IGSF21: variants seen among roughly 807,000 people sequenced by gnomAD.
IGSF21 encodes the protein immunoglobin superfamily member 21.
In IGSF21, 28 loss-of-function variants were observed where a neutral mutation model predicts 46.8. The observed-to-expected ratio is 0.60, with a 90% CI of 0.44 to 0.82. The LOEUF (loss-of-function observed/expected upper bound fraction) is 0.82, where lower values mean the gene tolerates loss of function less well. IGSF21 is among the 40% of genes least tolerant of loss of function. IGSF21 has a pLI of 0.00. For synonymous variants in IGSF21, 284 were observed against 273.6 expected, an observed-to-expected ratio of 1.04 and a Z score of -0.38; for missense variants, 624 against 665.5, an observed-to-expected ratio of 0.94 and a Z score of 0.69.
chr1:18,306,935 C>T (rs922298345), intron 3 of IGSF21, among the ~76,000 whole-genome samples: 2 of 152,250 alleles, frequency 1.3e-5, no homozygotes, highest in Non-Finnish European at 2.9e-5. Context: ...AGGACTGGGG[C>T]TGAAAACCTG....
chr1:18,236,418 C>A (rs987275829), intron 2 of IGSF21, among the ~76,000 whole-genome samples: 2 of 152,160 alleles, frequency 1.3e-5, no homozygotes, highest in African/African-American at 4.8e-5. Context: ...TTACCCAGTC[C>A]CAGGTTTGTC....
chr1:18,375,382 A>T (rs375271224), intron 6 of IGSF21, among the ~76,000 whole-genome samples: 6 of 152,184 alleles, frequency 3.9e-5, no homozygotes, highest in African/African-American at 1.4e-4. Flanking sequence ...TGGCTCTGTG[A>T]GTGACCTTGG....
intron 1 of IGSF21, among the ~76,000 whole-genome samples, chr1:18,214,281 A>G (rs2084420897): frequency 6.6e-6 from 1 of 152,260 alleles, no homozygotes; most frequent in South Asian, 2.1e-4. Flanking sequence ...GATGCCAGAA[A>G]GCACCGGGGA....
intron 1 of IGSF21, among the ~76,000 whole-genome samples, chr1:18,132,701 C>A (rs1310479264): frequency 6.6e-6 from 1 of 152,128 alleles, no homozygotes; most frequent in Non-Finnish European, 1.5e-5. Context: ...GGGCCCCACC[C>A]AATCCATCCT....
At chr1:18,297,288 C>T (rs1228974703) in intron 3 of IGSF21, among the ~76,000 whole-genome samples, 1 of 152,138 alleles carries the variant, frequency 6.6e-6, no homozygotes, top group Non-Finnish European at 1.5e-5. Context: ...CCTTTCAATG[C>T]AACACTTGCT....
intron 2 of IGSF21, among the ~76,000 whole-genome samples, chr1:18,270,857 T>G (rs1319256840): frequency 6.6e-6 from 1 of 152,182 alleles, no homozygotes; most frequent in East Asian, 1.9e-4. Flanking sequence ...CAGCCGCATG[T>G]GCGATTTGAC....
chr1:18,288,694 C>T (rs758448943), intron 2 of IGSF21, among the ~76,000 whole-genome samples: 65 of 152,292 alleles, frequency 4.3e-4, no homozygotes, highest in Non-Finnish European at 8.5e-4. Flanking sequence ...GCTGCTAGCC[C>T]GCTGGCCCCA....
chr1:18,255,984 C>T (rs1489023141), intron 2 of IGSF21, among the ~76,000 whole-genome samples: 3 of 152,190 alleles, frequency 2.0e-5, no homozygotes, highest in Admixed American at 2.0e-4. Flanking sequence ...AGCAGCTTGC[C>T]ATTGGCCTCA....
chr1:18,338,706 G>A (rs35813471), intron 4 of IGSF21, among the ~76,000 whole-genome samples: 38,353 of 152,116 alleles, frequency 0.25, 5,146 homozygotes, highest in African/African-American at 0.34. Context: ...ACATCCCACT[G>A]TGTGGTGGGG....
At chr1:18,181,119 G>A (rs977930700) in intron 1 of IGSF21, among the ~76,000 whole-genome samples, 2 of 152,180 alleles carry the variant, frequency 1.3e-5, no homozygotes, top group African/African-American at 4.8e-5. Flanking sequence ...CCTCCTTGCT[G>A]CCTCCCCTCC....
At chr1:18,235,091 T>G (rs1043231279) in intron 2 of IGSF21, among the ~76,000 whole-genome samples, 1 of 152,216 alleles carries the variant, frequency 6.6e-6, no homozygotes, top group Non-Finnish European at 1.5e-5. Context: ...AAAAATACAC[T>G]GTTGTCTGAG....
intron 1 of IGSF21, among the ~76,000 whole-genome samples, chr1:18,177,399 G>GGGGATGGGGGCAGTGAGGTA (rs58599918): frequency 3.7e-5 from 2 of 54,432 alleles, no homozygotes; most frequent in Non-Finnish European, 7.9e-5. Flanking sequence ...TGAGGTGTGT[G>GGGGATGGGGGCAGTGAGGTA]TGTGTGTGTG....
At chr1:18,250,106 C>CCTCCCTCG (rs2084825347) in intron 2 of IGSF21, among the ~76,000 whole-genome samples, 1 of 82,208 alleles carries the variant, frequency 1.2e-5, no homozygotes, top group African/African-American at 4.4e-5. Flanking sequence ...TCGCTCCCTC[C>CCTCCCTCG]CTCCCTCCCT....
At chr1:18,189,591 C>T (rs139834012) in intron 1 of IGSF21, among the ~76,000 whole-genome samples, 2,143 of 151,798 alleles carry the variant, frequency 0.014, 50 homozygotes, top group African/African-American at 0.049. Context: ...TAGATGGCCC[C>T]ACTGGGGGTG....
intron 1 of IGSF21, among the ~76,000 whole-genome samples, chr1:18,170,477 G>A (rs1042633698): frequency 5.3e-5 from 8 of 151,434 alleles, no homozygotes; most frequent in Non-Finnish European, 1.0e-4. Context: ...TGATTCAATA[G>A]GTAAGAATGC....
At chr1:18,317,084 G>T (rs1015687705) in intron 3 of IGSF21, among the ~76,000 whole-genome samples, 2 of 152,160 alleles carry the variant, frequency 1.3e-5, no homozygotes, top group Non-Finnish European at 2.9e-5. Flanking sequence ...TGTACCCTAG[G>T]TTTCTCATTG....
At chr1:18,264,216 T>C (rs960468868) in intron 2 of IGSF21, among the ~76,000 whole-genome samples, 1 of 152,178 alleles carries the variant, frequency 6.6e-6, no homozygotes, top group Non-Finnish European at 1.5e-5. Context: ...CCCTCTCTCA[T>C]CATTTCTTAT....
chr1:18,173,677 G>T (rs1210581162), intron 1 of IGSF21, among the ~76,000 whole-genome samples: 17 of 152,332 alleles, frequency 1.1e-4, no homozygotes, highest in African/African-American at 3.8e-4. Context: ...TTGCTGTGTA[G>T]TATTCTGTTA....
chr1:18,183,988 G>A (rs2086880474), intron 1 of IGSF21, among the ~76,000 whole-genome samples: 1 of 152,096 alleles, frequency 6.6e-6, no homozygotes, highest in Admixed American at 6.5e-5. Context: ...AGAAGGGAGT[G>A]GGTATTTGCC....
Sources: gnomAD v4.1 joint callset for allele counts (sites outside exome capture counted in the v4.1 genomes callset) on GRCh38, gnomAD v4.1.1 for gene constraint, MANE v1.5 for transcripts, NCBI Gene and HGNC (gene_info 2026-07-23, HGNC 2026-07-21) for gene names.